Variants in NCAM2 observed in about 807,000 individuals in gnomAD.
NCAM2 encodes N-CAM-2.
Under a neutral mutation model 98.1 loss-of-function variants are expected in NCAM2, and 30 were observed. The observed-to-expected ratio is 0.31, with a 90% CI of 0.23 to 0.41. The LOEUF (loss-of-function observed/expected upper bound fraction) is 0.41, where lower values mean the gene tolerates loss of function less well. Ranked by LOEUF, NCAM2 falls within the 10% of genes least tolerant of loss-of-function variation. The probability of loss-of-function intolerance (pLI) is 1.00; values close to 1 mark genes in which losing one functional copy is unlikely to be tolerated. For synonymous variants in NCAM2, 368 were observed against 342.4 expected (o/e 1.07, Z -0.83); for missense variants, 867 against 1,005.8 (o/e 0.86, Z 1.87).
intron 2 of NCAM2, among the ~76,000 whole-genome samples, chr21:21,283,859 C>T (rs574217536): frequency 2.0e-5 from 3 of 151,968 alleles, no homozygotes; most frequent in African/African-American, 7.2e-5. Flanking sequence ...ATGTCTGGCT[C>T]AGCAGTCAAG....
Position 21,433,776 on chromosome 21 carries a change from A to AAAATAAAAT in NCAM2, c.1654+1499_1654+1507dup, listed in dbSNP as rs72002373. Among the ~76,000 whole-genome samples the AAAATAAAAT allele has an allele frequency of 3.8e-3, 573 of 149,618 alleles. 12 individuals carry two copies. In the East Asian group the frequency reaches 0.055, roughly 14 times the overall value. On this transcript the variant is annotated intron_variant, in intron 12 of 17. Transcript: ENST00000400546. ...AAAATAAAATAAAATAAAATAAAAT[A>AAAATAAAAT]AAATAAAATAAAATAAAATAAAAAT... is the stretch of plus-strand genomic sequence containing the variant.
intron 1 of NCAM2, among the ~76,000 whole-genome samples, chr21:21,089,687 C>T (rs1002353184): frequency 5.3e-5 from 8 of 151,602 alleles, no homozygotes; most frequent in Non-Finnish European, 1.2e-4. Context: ...GCCACCTGCC[C>T]CTCCTTCATT....
chr21:21,091,634 A>G (rs1307286969), intron 1 of NCAM2, among the ~76,000 whole-genome samples: 4 of 152,162 alleles, frequency 2.6e-5, no homozygotes, highest in African/African-American at 7.2e-5. Context: ...TAAGGATTAC[A>G]TGGATCCTTT....
intron 1 of NCAM2, among the ~76,000 whole-genome samples, chr21:21,039,818 A>G (rs1217027382): frequency 1.3e-5 from 2 of 152,126 alleles, no homozygotes; most frequent in Admixed American, 1.3e-4. Flanking sequence ...AAGTGTTAGG[A>G]TTGCTTGTTG....
chr21:21,383,829 T>G (rs947571918), intron 9 of NCAM2, among the ~76,000 whole-genome samples: 1 of 152,132 alleles, frequency 6.6e-6, no homozygotes, highest in Non-Finnish European at 1.5e-5. Context: ...TTAAAATTTA[T>G]TTTTCACATT....
intron 1 of NCAM2, among the ~76,000 whole-genome samples, chr21:21,153,145 G>A (rs1193874524): frequency 2.0e-5 from 3 of 149,538 alleles, no homozygotes; most frequent in Non-Finnish European, 1.5e-5. Flanking sequence ...CAACTATACC[G>A]TCATGGCCAG....
chr21:21,435,317 T>G (rs1384623663), intron 12 of NCAM2, among the ~76,000 whole-genome samples: 1 of 152,122 alleles, frequency 6.6e-6, no homozygotes, highest in Non-Finnish European at 1.5e-5. Flanking sequence ...AGTCCAAATT[T>G]CCAAATTGCG....
At chr21:21,106,562 C>G (rs146565999) in intron 1 of NCAM2, among the ~76,000 whole-genome samples, 46 of 151,674 alleles carry the variant, frequency 3.0e-4, no homozygotes, top group African/African-American at 9.9e-4. Context: ...TCATTTTCTC[C>G]AAATATTTTC....
intron 1 of NCAM2, among the ~76,000 whole-genome samples, chr21:21,230,548 T>A (rs2147182188): frequency 6.6e-6 from 1 of 151,488 alleles, no homozygotes; most frequent in South Asian, 2.1e-4. Context: ...TGATGTTTCT[T>A]CTTTCCTCTC....
intron 12 of NCAM2, among the ~76,000 whole-genome samples, chr21:21,453,034 AT>A (rs200414275): frequency 0.13 from 14,909 of 111,468 alleles, 1,059 homozygotes; most frequent in Non-Finnish European, 0.15. Context: ...ATATATAAAA[AT>A]AATATATACA....
At chr21:21,080,444 C>T (rs1401226719) in intron 1 of NCAM2, among the ~76,000 whole-genome samples, 1 of 151,662 alleles carries the variant, frequency 6.6e-6, no homozygotes, top group Admixed American at 6.6e-5. Context: ...TGGAGAAACC[C>T]CATCTCCACT....
chr21:21,112,055 G>GCCCA (rs2066464889), intron 1 of NCAM2, among the ~76,000 whole-genome samples: 1 of 152,124 alleles, frequency 6.6e-6, no homozygotes, highest in Non-Finnish European at 1.5e-5. Context: ...AATGACTGTA[G>GCCCA]ACATTCTCTT....
At chr21:21,480,099 G>C (rs1414563945) in intron 15 of NCAM2, among the ~76,000 whole-genome samples, 1 of 152,034 alleles carries the variant, frequency 6.6e-6, no homozygotes, top group African/African-American at 2.4e-5. Flanking sequence ...GGGCGCGGTG[G>C]CTCACGCCAG....
intron 15 of NCAM2, among the ~76,000 whole-genome samples, chr21:21,491,620 G>A (rs747931113): frequency 1.4e-4 from 21 of 151,588 alleles, no homozygotes; most frequent in Non-Finnish European, 2.7e-4. Context: ...TTCTTTTAGA[G>A]CAAAATGTTA....
At chr21:21,151,897 A>G (rs1291151278) in intron 1 of NCAM2, among the ~76,000 whole-genome samples, 1 of 151,854 alleles carries the variant, frequency 6.6e-6, no homozygotes, top group Non-Finnish European at 1.5e-5. Context: ...CAAGATTTTA[A>G]TTCTTGATTT....
chr21:21,402,508 A>G (rs1380102116), intron 9 of NCAM2, among the ~76,000 whole-genome samples: 1 of 152,156 alleles, frequency 6.6e-6, no homozygotes. Flanking sequence ...CAATACGTGC[A>G]ATGCTGAACA....
intron 8 of NCAM2, among the ~76,000 whole-genome samples, chr21:21,367,398 C>T (rs1005917580): frequency 6.6e-6 from 1 of 151,840 alleles, no homozygotes; most frequent in Admixed American, 6.6e-5. Context: ...GTTGTCTCCT[C>T]CTATAGTAGT....
intron 9 of NCAM2, among the ~76,000 whole-genome samples, chr21:21,396,791 A>G (rs2145853106): frequency 6.6e-6 from 1 of 152,268 alleles, no homozygotes; most frequent in South Asian, 2.1e-4. Flanking sequence ...GACTTCAGGG[A>G]GTGAACAGCC....
chr21:21,457,632 T>C (rs966447326), intron 12 of NCAM2, among the ~76,000 whole-genome samples: 2 of 149,746 alleles, frequency 1.3e-5, no homozygotes, highest in East Asian at 3.9e-4. Flanking sequence ...AGAGCAAGAC[T>C]CCTTCTCAAG....
Sources: allele counts gnomAD v4.1 joint callset (sites outside exome capture counted in the v4.1 genomes callset), GRCh38; gene constraint gnomAD v4.1.1; transcripts MANE v1.5; gene names NCBI Gene and HGNC (gene_info 2026-07-23, HGNC 2026-07-21).